The following CTNND2 variants were observed in gnomAD, a reference collection of about 807,000 sequenced individuals.
The protein encoded by CTNND2 is catenin delta-2.
Under a neutral mutation model 144.4 loss-of-function variants are expected in CTNND2, and 22 were observed. The ratio of observed to expected loss-of-function variants is 0.15; its 90% CI spans 0.11 to 0.22. The LOEUF is 0.22. CTNND2 is among the 10% of genes least tolerant of loss of function. CTNND2 has a pLI of 1.00. For synonymous variants in CTNND2, 751 were observed against 695.6 expected, an observed-to-expected ratio of 1.08 and a Z score of -1.25; for missense variants, 1,353 against 1,618.8, an observed-to-expected ratio of 0.84 and a Z score of 2.82.
At chr5:11,478,484 A>G (rs1767961832) in intron 3 of CTNND2, among the ~76,000 whole-genome samples, 2 of 152,348 alleles carry the variant, frequency 1.3e-5, no homozygotes, top group South Asian at 4.1e-4. Context: ...GTGGCTTTTC[A>G]GCCTTTTAAG....
chr5:11,432,171 A>G (rs1028352989), intron 3 of CTNND2, among the ~76,000 whole-genome samples: 1 of 136,052 alleles, frequency 7.4e-6, no homozygotes, highest in African/African-American at 2.8e-5. Context: ...TGTTACTTTG[A>G]GAAAAATTGT....
intron 10 of CTNND2, among the ~76,000 whole-genome samples, chr5:11,229,069 C>T (rs1740686359): frequency 6.6e-6 from 1 of 152,166 alleles, no homozygotes; most frequent in African/African-American, 2.4e-5. Flanking sequence ...GCTGAAGCTA[C>T]TTTTTGATAT....
At chr5:11,619,783 T>C (rs1301631643) in intron 2 of CTNND2, among the ~76,000 whole-genome samples, 1 of 152,190 alleles carries the variant, frequency 6.6e-6, no homozygotes, top group Non-Finnish European at 1.5e-5. Context: ...CTCACTGTAC[T>C]CATCCCAGCT....
At chr5:11,105,850 A>G (rs1306576704) in intron 14 of CTNND2, among the ~76,000 whole-genome samples, 1 of 152,208 alleles carries the variant, frequency 6.6e-6, no homozygotes, top group Non-Finnish European at 1.5e-5. Context: ...AGCTCCCAGC[A>G]TATGGTGAGG....
At chr5:11,364,536 T>C in intron 8 of CTNND2, 160 bp downstream of exon 8, 1 of 547,756 alleles carries the variant, frequency 1.8e-6, no homozygotes, top group Non-Finnish European at 3.0e-6. Flanking sequence ...TCATATTCTG[T>C]TTCTACCATT....
Position 11,092,471 on chromosome 5 carries a change from C to T in CTNND2, c.2637+6104G>A, listed in dbSNP as rs537421892. Reference sequence around the variant, plus strand: ...CAACACAGATGTGGTCTTTGCTATCCGTGCTGCTTCCCGGGTCTTGCAGGG... The same window carrying T: ...CAACACAGATGTGGTCTTTGCTATCTGTGCTGCTTCCCGGGTCTTGCAGGG... On this transcript the variant is annotated intron_variant, in intron 15 of 21. Transcript: ENST00000304623. 2.6e-5 allele frequency among the ~76,000 whole-genome samples: 4 copies of T among 152,270 alleles called. No individual in the cohort carries two copies. In the South Asian group the frequency reaches 6.2e-4, roughly 24 times the overall value.
chr5:11,852,591 T>A (rs1189841518), intron 1 of CTNND2, among the ~76,000 whole-genome samples: 1 of 152,130 alleles, frequency 6.6e-6, no homozygotes, highest in African/African-American at 2.4e-5. Flanking sequence ...CCAAACAGTA[T>A]CCAGTTCAGA....
chr5:11,764,642 C>G (rs1311572055), intron 1 of CTNND2, among the ~76,000 whole-genome samples: 1 of 152,064 alleles, frequency 6.6e-6, no homozygotes, highest in Admixed American at 6.6e-5. Context: ...CTTTTCCTTT[C>G]CCCCTGGAAG....
At chr5:11,448,126 A>T (rs1581218717) in intron 3 of CTNND2, among the ~76,000 whole-genome samples, 1 of 152,252 alleles carries the variant, frequency 6.6e-6, no homozygotes, top group East Asian at 1.9e-4. Flanking sequence ...GTTTTTCCCC[A>T]ACTGCACACA....
chr5:11,326,492 C>T (rs931203302), intron 9 of CTNND2, among the ~76,000 whole-genome samples: 1 of 152,096 alleles, frequency 6.6e-6, no homozygotes, highest in Non-Finnish European at 1.5e-5. Context: ...TGGGACACAC[C>T]ATCTCAGCCT....
chr5:11,730,243 A>G (rs1398258633), intron 2 of CTNND2, among the ~76,000 whole-genome samples: 1 of 152,114 alleles, frequency 6.6e-6, no homozygotes, highest in Non-Finnish European at 1.5e-5. Flanking sequence ...TAGTTTACAA[A>G]GCTCCTTCCC....
At chr5:11,012,396 GT>G (rs1318740254) in intron 18 of CTNND2, among the ~76,000 whole-genome samples, 3 of 152,206 alleles carry the variant, frequency 2.0e-5, no homozygotes, top group African/African-American at 4.8e-5. Context: ...CTGAGGGCTT[GT>G]CCCGCTGCTT....
intron 12 of CTNND2, among the ~76,000 whole-genome samples, chr5:11,127,528 G>A (rs907461262): frequency 7.2e-5 from 11 of 152,192 alleles, no homozygotes; most frequent in Non-Finnish European, 1.2e-4. Flanking sequence ...CATCTGACCC[G>A]GAGGGCAAAG....
intron 9 of CTNND2, among the ~76,000 whole-genome samples, chr5:11,304,155 G>C (rs26479): frequency 0.054 from 8,198 of 150,740 alleles, 751 homozygotes; most frequent in African/African-American, 0.19. Context: ...TGAAGGGTAT[G>C]TCTTTATCAG....
At chr5:11,325,415 TTATAA>T (rs1196161416) in intron 9 of CTNND2, among the ~76,000 whole-genome samples, 8 of 151,874 alleles carry the variant, frequency 5.3e-5, no homozygotes, top group Non-Finnish European at 5.9e-5. Context: ...ACATATATAA[TTATAA>T]TATACAATTA....
intron 21 of CTNND2, among the ~76,000 whole-genome samples, chr5:10,974,800 T>C (rs970785387): frequency 2.6e-5 from 4 of 152,352 alleles, no homozygotes; most frequent in South Asian, 2.1e-4. Context: ...TCTTAGTTAA[T>C]AGATAATGAT....
chr5:11,247,531 G>A (rs1330937115), intron 9 of CTNND2, among the ~76,000 whole-genome samples: 1 of 152,196 alleles, frequency 6.6e-6, no homozygotes, highest in African/African-American at 2.4e-5. Flanking sequence ...CTGGTAAAGT[G>A]AAGAGAGAAA....
intron 16 of CTNND2, among the ~76,000 whole-genome samples, chr5:11,040,554 A>G (rs1030714870): frequency 1.3e-5 from 2 of 152,232 alleles, no homozygotes; most frequent in Non-Finnish European, 2.9e-5. Context: ...AGAAATTCTC[A>G]CACTGTTGAA....
chr5:11,340,525 G>T (rs1353237740), intron 9 of CTNND2, among the ~76,000 whole-genome samples: 2 of 152,162 alleles, frequency 1.3e-5, no homozygotes, highest in Non-Finnish European at 2.9e-5. Flanking sequence ...CCATTTCAAA[G>T]GATGTGGAGC....
Sources: allele counts gnomAD v4.1 joint callset (sites outside exome capture counted in the v4.1 genomes callset), GRCh38; gene constraint gnomAD v4.1.1; transcripts MANE v1.5; gene names NCBI Gene and HGNC (gene_info 2026-07-23, HGNC 2026-07-21).